The following ASH1L variants were observed in gnomAD, a reference collection of about 807,000 sequenced individuals.
The protein encoded by ASH1L is histone-lysine N-methyltransferase ASH1L.
Under a neutral mutation model 269.0 loss-of-function variants are expected in ASH1L, and 23 were observed. The observed-to-expected ratio is 0.09, with a 90% CI of 0.06 to 0.12. The LOEUF (loss-of-function observed/expected upper bound fraction) is 0.12. ASH1L is among the 10% of genes least tolerant of loss of function. ASH1L has a pLI of 1.00. For synonymous variants in ASH1L, 1,187 were observed against 1,253.5 expected (o/e 0.95, Z 1.12); for missense variants, 2,912 against 3,567.8 (o/e 0.82, Z 4.68).
rs1187254904 is a variant in ASH1L at position 155,370,769 on chromosome 1, C to T, written c.6539+8G>A. 4.3e-6 allele frequency: 7 copies of T among 1,613,936 alleles called. No individual in the cohort carries two copies. The highest frequency in any genetic ancestry group is 5.1e-6 in the Non-Finnish European group (6 of 1,179,966). On this transcript the variant is annotated splice_region_variant and intron_variant, in intron 11 of 27. Transcript: ENST00000392403. ...ATTTTATTAGAGTATCATCATTTAC[C>T]ACCGTACCTGAACTCCTGTTCACTG...
At chr1:155,402,589 A>G (rs1243743348) in intron 6 of ASH1L, among the ~76,000 whole-genome samples, 1 of 152,136 alleles carries the variant, frequency 6.6e-6, no homozygotes, top group Non-Finnish European at 1.5e-5. Context: ...TTGTTCTGCC[A>G]CCCAGGTTGT....
At chr1:155,430,619 T>A (rs973186316) in intron 5 of ASH1L, among the ~76,000 whole-genome samples, 1 of 152,188 alleles carries the variant, frequency 6.6e-6, no homozygotes, top group African/African-American at 2.4e-5. Flanking sequence ...CTCATTCCTA[T>A]TGATCGGCTT....
intron 14 of ASH1L, 64 bp downstream of exon 14, chr1:155,357,521 C>G: frequency 1.2e-6 from 2 of 1,603,614 alleles, no homozygotes; most frequent in South Asian, 2.2e-5. Context: ...TTCCCTTATT[C>G]CAGCAATTGC....
In ASH1L at chr1:155,478,455, T is replaced by G; in HGVS notation, c.4415A>C (p.Glu1472Ala). ...CTCAACCATCCAACCATAGGCCATC[T>G]CAGGAGGAACACTGGGGTAGGTACT... ...SMSTYPSVPP[E>A]MAYGWMVEHK... The change falls in exon 3 of 28, where the codon GAG becomes GCG. Residue 1472 changes from glutamate to alanine, a missense_variant. Around this residue, in one of 13 missense-constraint regions of ASH1L, gnomAD observed 789 missense variants for 897.6 expected, o/e 0.88. Coordinates refer to ENST00000392403, the MANE Select transcript of ASH1L (RefSeq NM_018489.3). The surrounding 1 kb of genome is among the most constrained non-coding windows in gnomAD (Gnocchi z 4.6). The G allele has an allele frequency of 6.2e-7, 1 of 1,614,150 alleles. No homozygotes were observed.
chr1:155,399,235 G>C (rs949565022), intron 6 of ASH1L, among the ~76,000 whole-genome samples: 1 of 152,144 alleles, frequency 6.6e-6, no homozygotes, highest in Non-Finnish European at 1.5e-5. Flanking sequence ...GTTCTACAAG[G>C]CATCCAAGTT....
intron 25 of ASH1L, among the ~76,000 whole-genome samples, chr1:155,339,725 G>A (rs909824723): frequency 6.6e-6 from 1 of 152,098 alleles, no homozygotes; most frequent in Admixed American, 6.6e-5. Context: ...AACCTAGATA[G>A]TATAGCCTAC....
At chr1:155,530,341 G>C (rs1306055519) in intron 1 of ASH1L, among the ~76,000 whole-genome samples, 1 of 152,178 alleles carries the variant, frequency 6.6e-6, no homozygotes, top group African/African-American at 2.4e-5. Context: ...CCAGCACGTA[G>C]AACACTAGCT....
chr1:155,502,196 G>A (rs764839682), intron 2 of ASH1L, among the ~76,000 whole-genome samples: 3 of 149,468 alleles, frequency 2.0e-5, no homozygotes, highest in African/African-American at 7.4e-5. Context: ...TCAGCCTCCC[G>A]AGTAGCTGAG....
intron 2 of ASH1L, among the ~76,000 whole-genome samples, chr1:155,505,580 G>A (rs1202297650): frequency 1.3e-5 from 2 of 152,098 alleles, no homozygotes; most frequent in Non-Finnish European, 2.9e-5. Flanking sequence ...GCACACGAAA[G>A]ATACAAATTT....
At chr1:155,420,590 C>T (rs575877423) in intron 5 of ASH1L, among the ~76,000 whole-genome samples, 3 of 151,412 alleles carry the variant, frequency 2.0e-5, no homozygotes, top group South Asian at 2.1e-4. Context: ...GTGGCTCATG[C>T]CTGTAATCCC....
Position 155,479,415 on chromosome 1 carries a change from T to C in ASH1L, c.3455A>G (p.Lys1152Arg), listed in dbSNP as rs1335971223. 2 of 1,614,174 alleles carry C rather than the reference T, an allele frequency of 1.2e-6. No homozygotes were observed. Among genetic ancestry groups the C allele is most frequent in the South Asian group, 1.1e-5 (1 of 91,086 alleles). ...QGSMIQTLAM[K>R]KASKGRRRLS... ...CCGCCTCCTCCCCTTTGAGGCCTTC[T>C]TCATTGCAAGAGTCTGAATCATACT... The change falls in exon 3 of 28, where the codon AAG becomes AGG. Residue 1152 changes from lysine to arginine, a missense_variant. Around this residue, in one of 13 missense-constraint regions of ASH1L, gnomAD observed 157 missense variants for 154.6 expected, o/e 1.02. Coordinates refer to ENST00000392403, the MANE Select transcript of ASH1L (RefSeq NM_018489.3).
chr1:155,562,267 T>G lies in ASH1L; in HGVS notation c.-214A>C. 6.2e-7 allele frequency: 1 copy of G among 1,609,822 alleles called. No individual in the cohort carries two copies. The highest frequency in any genetic ancestry group is 8.5e-7 in the Non-Finnish European group (1 of 1,176,626). ...GGGTCCACGGCGGATCCCTCCCGCT[T>G]GTCAGGAGGCGGCCAGCGGGTAAGC... On this transcript the variant is annotated 5_prime_UTR_variant, in exon 1 of 28. Transcript: ENST00000392403.
At chr1:155,407,505 G>A (rs1659395605) in intron 6 of ASH1L, among the ~76,000 whole-genome samples, 1 of 152,018 alleles carries the variant, frequency 6.6e-6, no homozygotes. Flanking sequence ...TTATCTATAG[G>A]AGCAAATATT....
Position 155,336,351 on chromosome 1 carries a change from GTATATATATACACACACACA to G in ASH1L, c.*1289_*1308del, listed in dbSNP as rs1652309526. On this transcript the variant is annotated 3_prime_UTR_variant, in exon 28 of 28. Transcript: ENST00000392403. ...ACACAGCAGGTGTGTGTGTGTGTGT[GTATATATATACACACACACA>G]TATATATATACACACACATACACAC... is the stretch of plus-strand genomic sequence containing the variant. The G allele has an allele frequency of 4.9e-5, 1 of 20,278 alleles. No individual in the cohort carries two copies. Among genetic ancestry groups the G allele is most frequent in the African/African-American group, 2.3e-4 (1 of 4,344 alleles). The allele number at this position is 20,278 out of a possible 1,614,324, so 1.3% of individuals were successfully genotyped here. A position where few individuals can be genotyped will look rare whatever the true frequency, so the allele number is the denominator to read the frequency against.
chr1:155,358,453 A>C (rs1306561672), intron 13 of ASH1L, among the ~76,000 whole-genome samples: 3 of 151,916 alleles, frequency 2.0e-5, no homozygotes, highest in African/African-American at 7.3e-5. Context: ...TGGGAGGCCA[A>C]GGCGGGCGGA....
At chr1:155,376,721 G>C (rs973805998) in intron 10 of ASH1L, among the ~76,000 whole-genome samples, 1 of 151,100 alleles carries the variant, frequency 6.6e-6, no homozygotes, top group Non-Finnish European at 1.5e-5. Context: ...CAGGCATGGT[G>C]GGGGGCACCT....
At chr1:155,424,607 A>G (rs535759297) in intron 5 of ASH1L, among the ~76,000 whole-genome samples, 1 of 152,004 alleles carries the variant, frequency 6.6e-6, no homozygotes, top group Non-Finnish European at 1.5e-5. Flanking sequence ...GGGTTTCTCC[A>G]TGTTGGTCAG....
At chr1:155,526,123 A>G (rs192160222) in intron 1 of ASH1L, among the ~76,000 whole-genome samples, 2 of 152,330 alleles carry the variant, frequency 1.3e-5, no homozygotes, top group East Asian at 3.9e-4. Context: ...TATAAGCTTC[A>G]TGAGGATAGG....
At chr1:155,558,370 C>G (rs1410995317) in intron 1 of ASH1L, among the ~76,000 whole-genome samples, 2 of 152,000 alleles carry the variant, frequency 1.3e-5, no homozygotes, top group Non-Finnish European at 2.9e-5. Context: ...ATTGGGGAGG[C>G]TGAGGCAGGA....
Sources: gnomAD v4.1 joint callset for allele counts (sites outside exome capture counted in the v4.1 genomes callset) on GRCh38, gnomAD v4.1.1 for gene constraint, gnomAD v4.1.1 regional missense constraint, Gnocchi (gnomAD v3.1) non-coding constraint, MANE v1.5 for transcripts, NCBI Gene and HGNC (gene_info 2026-07-23, HGNC 2026-07-21) for gene names.